The following FAM9C variants were observed in gnomAD, a reference collection of about 807,000 sequenced individuals.
The protein encoded by FAM9C is family with sequence similarity 9 member C.
Under a neutral mutation model 14.8 loss-of-function variants are expected in FAM9C, and 15 were observed. That is an observed-to-expected ratio of 1.02 (90% CI 0.68 to 1.56). The LOEUF (loss-of-function observed/expected upper bound fraction) is 1.56. Ranked by LOEUF, FAM9C falls within the 40% of genes most tolerant of loss-of-function variation. FAM9C has a pLI of 0.00. For missense variants in FAM9C, 116 were observed against 118.0 expected, an observed-to-expected ratio of 0.98 and a Z score of 0.08; for synonymous variants, 45 against 37.5, an observed-to-expected ratio of 1.20 and a Z score of -0.74.
rs1456570973 is a variant in FAM9C at position 13,035,932 on chromosome X, A to C, written c.*112T>G. The C allele has an allele frequency of 1.8e-5, 2 of 112,511 alleles. No homozygotes were observed. Among genetic ancestry groups the C allele is most frequent in the South Asian group, 3.6e-4 (1 of 2,748 alleles). The allele number at this position is 112,511 out of a possible 1,213,427, so 9.3% of individuals were successfully genotyped here. A position where few individuals can be genotyped will look rare whatever the true frequency, so the allele number is the denominator to read the frequency against. ...GTGTAGCTCAAGTTATGCATGTATCATATAACATAGGTTCAAGTTCTTTTG... is the reference window on the plus strand; with the variant it reads ...GTGTAGCTCAAGTTATGCATGTATCCTATAACATAGGTTCAAGTTCTTTTG... On this transcript the variant is annotated 3_prime_UTR_variant, in exon 8 of 8. Transcript: ENST00000380625.
At chrX:13,040,208 C>T in intron 5 of FAM9C, 1 of 588,677 alleles carries the variant, frequency 1.7e-6, no homozygotes, top group Non-Finnish European at 2.0e-6. Flanking sequence ...GAGCAGTTTA[C>T]TTTTCATTTC....
intron 3 of FAM9C, 30 bp downstream of exon 3, chrX:13,043,098 T>C (rs1446566459): frequency 3.3e-6 from 4 of 1,195,807 alleles, no homozygotes; most frequent in Non-Finnish European, 4.5e-6. Context: ...AGACCTTATC[T>C]GACAGGCAAA....
chrX:13,036,413 T>G (rs780856542), intron 7 of FAM9C: 2 of 112,341 alleles, frequency 1.8e-5, no homozygotes, highest in South Asian at 7.3e-4. Flanking sequence ...ATGCCAGATT[T>G]TAGTGAAATA....
intron 1 of FAM9C, among the ~76,000 whole-genome samples, chrX:13,044,320 G>A (rs904482135): frequency 2.3e-4 from 12 of 52,493 alleles, no homozygotes; most frequent in Middle Eastern, 0.011. Flanking sequence ...TTGACCCCCC[G>A]ACCCCCCCCC....
rs1346269133 is a variant in FAM9C at position 13,042,913 on chromosome X, C to T, written c.214+5G>A. 3 of 1,205,885 alleles carry T rather than the reference C, an allele frequency of 2.5e-6. No homozygotes were observed. The highest frequency in any genetic ancestry group is 3.4e-6 in the Non-Finnish European group (3 of 893,555). Reference sequence around the variant, plus strand: ...CATAAACCACAAATAGCTCGTAAAACATACCTGCAATATCTTCTAGCTCCT... The same window carrying T: ...CATAAACCACAAATAGCTCGTAAAATATACCTGCAATATCTTCTAGCTCCT... On this transcript the variant is annotated splice_donor_5th_base_variant and intron_variant, in intron 4 of 7. Coordinates refer to ENST00000380625, the MANE Select transcript of FAM9C (RefSeq NM_174901.6).
Position 13,043,750 on chromosome X carries a change from C to A in FAM9C, c.40G>T (p.Ala14Ser), listed in dbSNP as rs141427894. ...TTACCTGCAAGCTCCATTTCCTGGG[C>A]GGCCATAACTTGAACCTCCAACTGG... ...KDQLEVQVMA[A>S]QEMELAGKDP... The change falls in exon 2 of 8, where the codon GCC (alanine) becomes TCC (serine). Residue 14 changes from alanine (A) to serine (S), a missense_variant. Physicochemically the swap from Ala to Ser is moderately conservative, Grantham distance 99. Transcript: ENST00000380625. 9.2e-5 allele frequency: 112 copies of A among 1,210,872 alleles called. No individual in the cohort carries two copies. The East Asian group carries it at 3.1e-3, about 34-fold the overall frequency.
Position 13,038,472 on chromosome X carries a change from T to C in FAM9C, c.470A>G (p.Gln157Arg). ...TCTTTCAGTTCCTTTCCCATCTTGT[T>C]GCCACCTCTTTTGTTGCTCTTGAAA... The part of the protein sequence containing the change: ...KIFQEQQKRW[Q>R]QDGKGTERD The change falls in exon 7 of 8, where the codon CAA becomes CGA. Residue 157 changes from glutamine to arginine, a missense_variant. By Grantham distance (43) the Gln-to-Arg change is conservative. Coordinates refer to ENST00000380625, the MANE Select transcript of FAM9C (RefSeq NM_174901.6). The C allele has an allele frequency of 8.3e-7, 1 of 1,207,331 alleles. No individual in the cohort carries two copies. The highest frequency in any genetic ancestry group is 1.1e-6 in the Non-Finnish European group (1 of 893,775).
chrX:13,038,729 C>T (rs774572800), intron 6 of FAM9C, among the ~76,000 whole-genome samples: 3 of 112,306 alleles, frequency 2.7e-5, no homozygotes, highest in Non-Finnish European at 3.8e-5. Flanking sequence ...ATATTCAACA[C>T]ATACGTCTTA....
chrX:13,040,732 T>G (rs2147291659), intron 5 of FAM9C, 26 bp downstream of exon 5: 2 of 996,321 alleles, frequency 2.0e-6, no homozygotes, highest in East Asian at 6.3e-5. Context: ...ATAAATATCA[T>G]TATTCAAAAA....
At chrX:13,042,999 C>A in intron 3 of FAM9C, 50 bp from the exon 4 acceptor site, 3 of 1,168,394 alleles carry the variant, frequency 2.6e-6, no homozygotes, top group African/African-American at 1.8e-5. Flanking sequence ...ACACAAAAGG[C>A]CTTGTTTGTT....
intron 1 of FAM9C, 86 bp from the exon 2 acceptor site, chrX:13,043,943 C>T: frequency 1.9e-6 from 1 of 522,977 alleles, no homozygotes; most frequent in South Asian, 2.9e-5. Flanking sequence ...TCAAGGGCGC[C>T]CCGGGTCTCC....
At chrX:13,040,051 T>C in intron 5 of FAM9C, 135 bp from the exon 6 acceptor site, 1 of 534,394 alleles carries the variant, frequency 1.9e-6, no homozygotes, top group Non-Finnish European at 2.8e-6. Context: ...ATCTTCTTTT[T>C]GGGAAAAGGT....
rs1340185777 is a variant in FAM9C, at chrX:13,035,680, T to C, written c.*364A>G. On this transcript the variant is annotated 3_prime_UTR_variant, in exon 8 of 8. Transcript: ENST00000380625. ...TTCCATGCCCGTGCTTTCCACATTTTGGAACTGATACAGATCCACAGAGGC... is the reference window on the plus strand; with the variant it reads ...TTCCATGCCCGTGCTTTCCACATTTCGGAACTGATACAGATCCACAGAGGC... 1 of 112,426 alleles carries C rather than the reference T, an allele frequency of 8.9e-6. No individual in the cohort carries two copies. The highest frequency in any genetic ancestry group is 1.9e-5 in the Non-Finnish European group (1 of 53,200). The allele number at this position is 112,426 out of a possible 1,213,427, so 9.3% of individuals were successfully genotyped here.
intron 5 of FAM9C, chrX:13,040,147 A>C (rs767771979): frequency 1.5e-4 from 41 of 277,569 alleles, no homozygotes; most frequent in Non-Finnish European, 2.0e-4. Flanking sequence ...GCTGAAGACA[A>C]AGGAGGGTTT....
intron 1 of FAM9C, among the ~76,000 whole-genome samples, 176 bp downstream of exon 1, chrX:13,044,364 C>T (rs1277422534): frequency 9.7e-6 from 1 of 102,699 alleles, no homozygotes; most frequent in Non-Finnish European, 2.0e-5. Flanking sequence ...CTCCGGGACC[C>T]TCCTGGGTCC....
At chrX:13,039,664 T>C (rs1283325447) in intron 6 of FAM9C, 144 bp downstream of exon 6, 1 of 958,064 alleles carries the variant, frequency 1.0e-6, no homozygotes, top group South Asian at 3.4e-5. Context: ...ATGGCAATTA[T>C]ATTCCCCTAG....
At chrX:13,044,288 A>G (rs1174399268) in intron 1 of FAM9C, among the ~76,000 whole-genome samples, 43 of 108,698 alleles carry the variant, frequency 4.0e-4, no homozygotes, top group African/African-American at 1.3e-3. Flanking sequence ...CCTGATGGGC[A>G]GCCAGACAAG....
chrX:13,043,876 C>G lies in FAM9C; in HGVS notation c.-68-19G>C. The G allele has an allele frequency of 1.1e-6, 1 of 875,549 alleles. No individual in the cohort carries two copies. Among genetic ancestry groups the G allele is most frequent in the Non-Finnish European group, 1.7e-6 (1 of 600,317 alleles). 72.2% of individuals were successfully genotyped at this position (875,549 alleles called of 1,213,427 possible). On this transcript the variant is annotated intron_variant, in intron 1 of 7. Transcript: ENST00000380625. ...TCTGAACCTGGTGAGTGCAAAGACA[C>G]ACTAAGGACACTAAGGAAACGAGGC...
intron 3 of FAM9C, 58 bp downstream of exon 3, chrX:13,043,070 A>G (rs2043540906): frequency 8.5e-7 from 1 of 1,181,823 alleles, no homozygotes; most frequent in Admixed American, 2.4e-5. Flanking sequence ...ACATGATCCA[A>G]AGCTGACTTT....
Sources: allele counts gnomAD v4.1 joint callset (sites outside exome capture counted in the v4.1 genomes callset), GRCh38; gene constraint gnomAD v4.1.1; transcripts MANE v1.5; gene names NCBI Gene and HGNC (gene_info 2026-07-23, HGNC 2026-07-21).